The following OVCH1 variants were observed in gnomAD, a reference collection of about 807,000 sequenced individuals.
OVCH1 encodes the protein ovochymase 1.
OVCH1 carries 139 observed loss-of-function variants against 138.4 expected under a neutral mutation model. The ratio of observed to expected loss-of-function variants is 1.00; its 90% CI spans 0.87 to 1.16. The LOEUF is 1.16. Ranked by LOEUF, OVCH1 falls within the 50% of genes most tolerant of loss-of-function variation. OVCH1 has a pLI of 0.00. For missense variants in OVCH1, 1,367 were observed against 1,357.9 expected, an observed-to-expected ratio of 1.01 and a Z score of -0.11; for synonymous variants, 453 against 467.8, an observed-to-expected ratio of 0.97 and a Z score of 0.41.
intron 26 of OVCH1, chr12:29,433,858 G>T: frequency 4.6e-6 from 6 of 1,308,578 alleles, no homozygotes; most frequent in African/African-American, 1.6e-5. Flanking sequence ...CTCCCAAACT[G>T]TATTTCAATT....
At chr12:29,443,772 A>G (rs1034716347) in intron 24 of OVCH1, among the ~76,000 whole-genome samples, 5 of 152,094 alleles carry the variant, frequency 3.3e-5, no homozygotes, top group Admixed American at 2.0e-4. Context: ...TTGAAAATTT[A>G]TAAGATCTGA....
intron 4 of OVCH1, among the ~76,000 whole-genome samples, chr12:29,493,506 C>G (rs968653014): frequency 6.6e-6 from 1 of 152,160 alleles, no homozygotes; most frequent in Non-Finnish European, 1.5e-5. Context: ...CATACTCTTT[C>G]TAAACTTCAA....
At chr12:29,477,071 T>C (rs1942761173) in intron 12 of OVCH1, 31 bp downstream of exon 12, 1 of 1,549,752 alleles carries the variant, frequency 6.5e-7, no homozygotes, top group South Asian at 1.2e-5. Context: ...CTCTATTCTT[T>C]ATGAGGTAGA....
intron 16 of OVCH1, among the ~76,000 whole-genome samples, chr12:29,468,831 A>T (rs572174799): frequency 6.6e-5 from 10 of 152,254 alleles, no homozygotes; most frequent in Middle Eastern, 6.8e-3. Context: ...TAGCTCTGTC[A>T]GCTGAGAGGG....
chr12:29,461,622 T>C (rs1286372770), intron 19 of OVCH1: 1 of 582,234 alleles, frequency 1.7e-6, no homozygotes, highest in African/African-American at 1.8e-5. Context: ...AGCTCCTCTA[T>C]GAACCCACCG....
chr12:29,482,040 A>G (rs1365806809), intron 8 of OVCH1, among the ~76,000 whole-genome samples: 1 of 152,212 alleles, frequency 6.6e-6, no homozygotes, highest in African/African-American at 2.4e-5. Context: ...CCTACAGTCT[A>G]TCTGCAACCC....
chr12:29,455,226 A>C (rs748284751), intron 20 of OVCH1, 23 bp downstream of exon 20: 2 of 1,607,630 alleles, frequency 1.2e-6, no homozygotes, highest in South Asian at 2.2e-5. Flanking sequence ...TTATTGTTTT[A>C]ATAACATTTG....
At chr12:29,442,532 T>C (rs113735100) in intron 25 of OVCH1, among the ~76,000 whole-genome samples, 1 of 147,928 alleles carries the variant, frequency 6.8e-6, no homozygotes, top group Non-Finnish European at 1.5e-5. Context: ...AAATGACGAG[T>C]TAATGGGTGC....
intron 26 of OVCH1, chr12:29,433,934 T>TA (rs79588258): frequency 1.2e-3 from 973 of 796,796 alleles, no homozygotes; most frequent in South Asian, 2.0e-3. Context: ...GCTGGCTGAT[T>TA]AAAAAAAAAT....
chr12:29,456,830 TA>T (rs1272612274), intron 19 of OVCH1, among the ~76,000 whole-genome samples: 1 of 152,244 alleles, frequency 6.6e-6, no homozygotes, highest in East Asian at 1.9e-4. Flanking sequence ...TGAAATTTTA[TA>T]AACCAGTTGT....
chr12:29,417,356 G>A lies in OVCH1; in HGVS notation c.*72-4631C>T, dbSNP rs138918024. 4.1e-3 allele frequency among the ~76,000 whole-genome samples: 627 copies of A among 151,400 alleles called. 5 individuals carry two copies. The highest frequency in any genetic ancestry group is 0.014 in the African/African-American group (574 of 41,116). On this transcript the variant is annotated intron_variant and NMD_transcript_variant, in intron 3 of 4. Coordinates refer to the OVCH1 transcript ENST00000539117. ...CATGCACCTGTAGTCTCAGCTACTC[G>A]GGAGGCTGAGACAGGAGAATTGCTT...
rs542343700 is a variant in OVCH1, at chr12:29,497,191, C to T, written c.64+432G>A. On this transcript the variant is annotated intron_variant, in intron 1 of 27. Transcript: ENST00000318184. ...GGCAGAGGCAGGAGGATCACATTAG[C>T]CCTGGAGTTTGAGGGAGCCGTGATC... Among the ~76,000 whole-genome samples, 11 of 152,202 alleles carry T rather than the reference C, an allele frequency of 7.2e-5. 1 individual carries two copies. The East Asian group carries it at 1.7e-3, about 24-fold the overall frequency.
chr12:29,451,232 A>C (rs1213930717), intron 22 of OVCH1, 113 bp downstream of exon 22: 3 of 708,180 alleles, frequency 4.2e-6, no homozygotes, highest in Non-Finnish European at 6.9e-6. Context: ...CATTCCTATT[A>C]CATGGATCAA....
intron 26 of OVCH1, among the ~76,000 whole-genome samples, chr12:29,434,340 G>C (rs1432514500): frequency 6.6e-6 from 1 of 152,108 alleles, no homozygotes; most frequent in Non-Finnish European, 1.5e-5. Context: ...AAAAAAATCT[G>C]CTCAATCTTG....
rs1248155138 is a variant in OVCH1 at position 29,489,675 on chromosome 12, AG to A, written c.646del (p.Leu216TrpfsTer40). On this transcript the variant is annotated frameshift_variant, in exon 6 of 28. Coordinates refer to ENST00000318184, the Ensembl canonical transcript of OVCH1. LOFTEE classifies it high-confidence loss of function. ...GCCAGCACACAGCATGGTCCTTCCC[AG>A]GGGAGGGAGGTTCATGCTCTTGAGC... 1.2e-6 allele frequency: 2 copies of A among 1,609,528 alleles called. No homozygotes were observed. The highest frequency in any genetic ancestry group is 1.7e-6 in the Non-Finnish European group (2 of 1,177,810).
exon 4 of OVCH1, chr12:29,412,645 T>C (rs1940975476): frequency 6.6e-6 from 1 of 152,254 alleles, no homozygotes; most frequent in Non-Finnish European, 1.5e-5. Flanking sequence ...AGTTCAGTTG[T>C]TCCCCATCCA....
the OVCH1 span, among the ~76,000 whole-genome samples, chr12:29,405,180 T>G: frequency 6.6e-6 from 1 of 152,142 alleles, no homozygotes; most frequent in South Asian, 2.1e-4. Context: ...AATTACTAAT[T>G]ACGGTTCATT....
intron 21 of OVCH1, 39 bp from the exon 22 acceptor site, chr12:29,451,608 A>T (rs1296866619): frequency 2.0e-6 from 3 of 1,501,894 alleles, no homozygotes; most frequent in Non-Finnish European, 2.7e-6. Context: ...GACCAACATA[A>T]ATAAAGCAAA....
chr12:29,477,218 T>A (rs1942769490), exon 12 of OVCH1: 2 of 1,613,712 alleles, frequency 1.2e-6, no homozygotes, highest in Admixed American at 3.3e-5. Flanking sequence ...ATAGCCAGAC[T>A]CCCACAACCT....
Sources: gnomAD v4.1 joint callset for allele counts (sites outside exome capture counted in the v4.1 genomes callset) on GRCh38, gnomAD v4.1.1 for gene constraint, MANE v1.5 for transcripts, NCBI Gene and HGNC (gene_info 2026-07-23, HGNC 2026-07-21) for gene names.